Variants in LRP1B observed in about 807,000 individuals in gnomAD.
LRP1B encodes LDL receptor related protein 1B, also known as low-density lipoprotein receptor-related protein 1B.
LRP1B carries 217 observed loss-of-function variants against 556.6 expected under a neutral mutation model. That is an observed-to-expected ratio of 0.39 (90% CI 0.35 to 0.44). LRP1B has a LOEUF of 0.44. LRP1B is among the 20% of genes least tolerant of loss of function. The probability of loss-of-function intolerance (pLI) is 1.00; values close to 1 mark genes in which losing one functional copy is unlikely to be tolerated. For synonymous variants in LRP1B, 2,047 were observed against 1,865.8 expected (o/e 1.10, Z -2.50); for missense variants, 5,053 against 5,620.8 (o/e 0.90, Z 3.23).
intron 18 of LRP1B, among the ~76,000 whole-genome samples, chr2:140,975,277 A>T (rs1475570011): frequency 1.3e-5 from 2 of 152,170 alleles, no homozygotes; most frequent in Admixed American, 6.5e-5. Context: ...AGAAGAAATG[A>T]AAAGGAGGAA....
intron 2 of LRP1B, among the ~76,000 whole-genome samples, chr2:141,770,579 G>A (rs1876595): frequency 0.39 from 59,447 of 152,014 alleles, 12,633 homozygotes; most frequent in Admixed American, 0.5. Context: ...TGCCAGAAAT[G>A]CATTTTGTCT....
intron 35 of LRP1B, among the ~76,000 whole-genome samples, chr2:140,735,419 G>A (rs569087869): frequency 2.0e-5 from 3 of 152,128 alleles, no homozygotes; most frequent in African/African-American, 7.2e-5. Flanking sequence ...TTACAAAGAG[G>A]CTCATAACTC....
At chr2:141,111,541 C>T (rs1298049218) in intron 7 of LRP1B, among the ~76,000 whole-genome samples, 1 of 152,092 alleles carries the variant, frequency 6.6e-6, no homozygotes, top group African/African-American at 2.4e-5. Context: ...CCTTGTACTA[C>T]GGGGCTTGCC....
rs1420734644 is a variant in LRP1B, at chr2:141,553,345, A to T, written c.206-72812T>A. On this transcript the variant is annotated intron_variant, in intron 2 of 90. Transcript: ENST00000389484. Reference sequence around the variant, plus strand: ...CTTTTGTGAGAAATTAAGTATTAAAATATCAGTATCAAAGGCAAGAGGTGT... The same window carrying T: ...CTTTTGTGAGAAATTAAGTATTAAATTATCAGTATCAAAGGCAAGAGGTGT... Among the ~76,000 whole-genome samples the T allele has an allele frequency of 2.0e-5, 3 of 152,092 alleles. No individual in the cohort carries two copies. The South Asian group carries it at 6.2e-4, about 32-fold the overall frequency.
chr2:140,864,821 G>C (rs72988164), intron 27 of LRP1B, among the ~76,000 whole-genome samples: 103 of 152,106 alleles, frequency 6.8e-4, no homozygotes, highest in African/African-American at 2.4e-3. Flanking sequence ...CTATGATTTA[G>C]ATACATTATC....
At chr2:140,320,039 T>TACTTCTCA (rs1273900861) in intron 82 of LRP1B, among the ~76,000 whole-genome samples, 1 of 152,180 alleles carries the variant, frequency 6.6e-6, no homozygotes, top group African/African-American at 2.4e-5. Context: ...CATATTTCCA[T>TACTTCTCA]ACTTCTCAGA....
At chr2:142,022,762 C>A (rs1703378492) in intron 1 of LRP1B, among the ~76,000 whole-genome samples, 1 of 152,158 alleles carries the variant, frequency 6.6e-6, no homozygotes, top group South Asian at 2.1e-4. Flanking sequence ...CCTCCACCTC[C>A]CAGTTTCAAG....
intron 30 of LRP1B, 77 bp downstream of exon 30, chr2:140,840,841 A>T (rs917098680): frequency 3.6e-6 from 4 of 1,126,636 alleles, no homozygotes; most frequent in Non-Finnish European, 3.8e-6. Context: ...CTCTGAATTA[A>T]GCAATGTTTT....
intron 6 of LRP1B, among the ~76,000 whole-genome samples, chr2:141,192,442 A>G (rs1681556040): frequency 6.6e-6 from 1 of 151,974 alleles, no homozygotes; most frequent in Non-Finnish European, 1.5e-5. Flanking sequence ...TTGCTGAAAT[A>G]TAACAAAGTT....
intron 57 of LRP1B, among the ~76,000 whole-genome samples, chr2:140,490,261 T>C (rs1688644334): frequency 6.6e-6 from 1 of 152,118 alleles, no homozygotes; most frequent in Non-Finnish European, 1.5e-5. Context: ...GGAGAACATA[T>C]TGGAAAGGTA....
chr2:141,678,450 A>G (rs1161187999), intron 2 of LRP1B, among the ~76,000 whole-genome samples: 1 of 152,186 alleles, frequency 6.6e-6, no homozygotes, highest in Non-Finnish European at 1.5e-5. Flanking sequence ...ATTCATCTAT[A>G]TTGAATGTTG....
chr2:142,011,836 A>G (rs1212997618), intron 1 of LRP1B, among the ~76,000 whole-genome samples: 1 of 152,178 alleles, frequency 6.6e-6, no homozygotes, highest in East Asian at 1.9e-4. Flanking sequence ...TGTGACATTT[A>G]AAAATTTTTA....
chr2:140,798,230 C>G (rs1465455232), intron 32 of LRP1B, among the ~76,000 whole-genome samples: 22 of 152,028 alleles, frequency 1.4e-4, no homozygotes, highest in Admixed American at 1.4e-3. Context: ...ATGATAGTCA[C>G]TTGATAAATT....
chr2:141,358,965 C>T (rs1170573513), intron 3 of LRP1B, among the ~76,000 whole-genome samples: 1 of 151,680 alleles, frequency 6.6e-6, no homozygotes, highest in African/African-American at 2.4e-5. Context: ...AAATTGTATA[C>T]AAGATAATTT....
chr2:140,507,686 C>T (rs1689478010), intron 52 of LRP1B, among the ~76,000 whole-genome samples: 1 of 152,074 alleles, frequency 6.6e-6, no homozygotes, highest in African/African-American at 2.4e-5. Context: ...AAGAGGTTTG[C>T]AAGACTCATT....
intron 7 of LRP1B, among the ~76,000 whole-genome samples, chr2:141,155,562 T>C (rs1290861210): frequency 6.6e-6 from 1 of 151,908 alleles, no homozygotes; most frequent in South Asian, 2.1e-4. Context: ...TGTGCCATGG[T>C]GGTTTGCTGC....
At chr2:141,390,853 T>C (rs1039034906) in intron 3 of LRP1B, among the ~76,000 whole-genome samples, 3 of 152,230 alleles carry the variant, frequency 2.0e-5, no homozygotes, top group Non-Finnish European at 4.4e-5. Context: ...TTGCACAACA[T>C]TGCTAATGTA....
chr2:141,934,056 A>G (rs1255024419), intron 1 of LRP1B, among the ~76,000 whole-genome samples: 2 of 152,158 alleles, frequency 1.3e-5, no homozygotes, highest in Non-Finnish European at 2.9e-5. Flanking sequence ...AAAGAGAATA[A>G]AAATGACTAC....
intron 79 of LRP1B, among the ~76,000 whole-genome samples, chr2:140,328,579 A>T (rs965832089): frequency 6.6e-6 from 1 of 152,076 alleles, no homozygotes; most frequent in Non-Finnish European, 1.5e-5. Flanking sequence ...ACTGTTTTTC[A>T]GAACTAGAGA....
Sources: allele counts gnomAD v4.1 joint callset (sites outside exome capture counted in the v4.1 genomes callset), GRCh38; gene constraint gnomAD v4.1.1; transcripts MANE v1.5; gene names NCBI Gene and HGNC (gene_info 2026-07-23, HGNC 2026-07-21).